Variants in MARCHF8 observed in about 807,000 individuals in gnomAD.
MARCHF8 encodes the protein membrane associated ring-CH-type finger 8, also known as E3 ubiquitin-protein ligase MARCHF8.
In MARCHF8, 40 loss-of-function variants were observed where a neutral mutation model predicts 51.6. The ratio of observed to expected loss-of-function variants is 0.77; its 90% CI spans 0.60 to 1.01. MARCHF8 has a LOEUF of 1.01. MARCHF8 is among the 50% of genes least tolerant of loss of function. MARCHF8 has a pLI of 0.00. For synonymous variants in MARCHF8, 263 were observed against 280.3 expected (o/e 0.94, Z 0.62); for missense variants, 685 against 708.6 (o/e 0.97, Z 0.38).
At chr10:45,471,784 TAA>T (rs1363305767) in intron 3 of MARCHF8, among the ~76,000 whole-genome samples, 2 of 152,200 alleles carry the variant, frequency 1.3e-5, no homozygotes, top group East Asian at 3.9e-4. Context: ...TAGGATCAAA[TAA>T]AGTCAAGGGA....
At chr10:45,528,056 A>G (rs1016156575) in intron 2 of MARCHF8, among the ~76,000 whole-genome samples, 1 of 152,234 alleles carries the variant, frequency 6.6e-6, no homozygotes, top group Non-Finnish European at 1.5e-5. Context: ...GCATTCTTTC[A>G]TGATAAAAAC....
chr10:45,577,117 C>A (rs922177718), intron 1 of MARCHF8, among the ~76,000 whole-genome samples: 2 of 151,916 alleles, frequency 1.3e-5, no homozygotes, highest in Non-Finnish European at 2.9e-5. Context: ...ATAAGCCAGG[C>A]ACAGAAAGAG....
intron 3 of MARCHF8, among the ~76,000 whole-genome samples, chr10:45,479,605 T>C (rs192252585): frequency 5.9e-5 from 9 of 152,310 alleles, no homozygotes; most frequent in African/African-American, 1.7e-4. Flanking sequence ...ATAAGTCTCA[T>C]GAAATCTCAT....
intron 1 of MARCHF8, among the ~76,000 whole-genome samples, chr10:45,569,401 C>T (rs1349141538): frequency 6.6e-6 from 1 of 152,140 alleles, no homozygotes; most frequent in Non-Finnish European, 1.5e-5. Context: ...ATGTACCATA[C>T]AGACTGATCT....
At chr10:45,516,749 A>T (rs1423960533) in intron 2 of MARCHF8, among the ~76,000 whole-genome samples, 1 of 152,092 alleles carries the variant, frequency 6.6e-6, no homozygotes, top group Admixed American at 6.5e-5. Flanking sequence ...GGGTAACAGA[A>T]CAAGACTTTG....
At chr10:45,515,160 C>G (rs139920204) in intron 2 of MARCHF8, among the ~76,000 whole-genome samples, 1 of 152,332 alleles carries the variant, frequency 6.6e-6, no homozygotes, top group Non-Finnish European at 1.5e-5. Flanking sequence ...CCAAATGAGT[C>G]ATATCTAAAG....
At chr10:45,478,101 C>T (rs1564473720) in intron 3 of MARCHF8, among the ~76,000 whole-genome samples, 1 of 152,174 alleles carries the variant, frequency 6.6e-6, no homozygotes, top group Non-Finnish European at 1.5e-5. Context: ...CCAACAACTA[C>T]AGAATACACA....
In MARCHF8 at chr10:45,461,360, G is replaced by A; in HGVS notation, c.1140C>T (p.His380=). Residue 380 remains histidine (H), a synonymous_variant, in exon 6 of 8, where the codon CAC becomes CAT. Transcript: ENST00000453424. ...GCACGAAGTGGAGGCTTCCTGTGCAGTGGCAGGGGGTGATCAGGGGGCTCT... is the reference window on the plus strand; with the variant it reads ...GCACGAAGTGGAGGCTTCCTGTGCAATGGCAGGGGGTGATCAGGGGGCTCT... The part of the protein sequence containing the change: ...DDESPLITPC[H]CTGSLHFVHQ... 6.2e-7 allele frequency: 1 copy of A among 1,601,326 alleles called. No individual in the cohort carries two copies. The highest frequency in any genetic ancestry group is 1.3e-5 in the African/African-American group (1 of 74,146).
chr10:45,507,835 A>G (rs1298846516), intron 2 of MARCHF8, among the ~76,000 whole-genome samples: 1 of 151,820 alleles, frequency 6.6e-6, no homozygotes, highest in Admixed American at 6.6e-5. Context: ...AAGATTTTAT[A>G]AAAGTGCTTG....
rs140743260 is a variant in MARCHF8, at chr10:45,557,340, G to A, written c.-78-24051C>T. Among the ~76,000 whole-genome samples the A allele has an allele frequency of 3.8e-3, 572 of 151,856 alleles. 11 individuals are homozygous for A. In the East Asian group the frequency reaches 0.052, roughly 14 times the overall value. On this transcript the variant is annotated intron_variant, in intron 1 of 6. Transcript: ENST00000319836. ...GACGGGGTTTTGCCACGTTGGCCAGGCTGGTCTTGAACTCCTGACCTCAGG... is the reference window on the plus strand; with the variant it reads ...GACGGGGTTTTGCCACGTTGGCCAGACTGGTCTTGAACTCCTGACCTCAGG...
At chr10:45,494,761 GA>G (rs1171629642) in intron 2 of MARCHF8, among the ~76,000 whole-genome samples, 1 of 152,280 alleles carries the variant, frequency 6.6e-6, no homozygotes, top group East Asian at 1.9e-4. Context: ...TTCACTTTGG[GA>G]CTATGAAGAA....
At chr10:45,512,589 C>T (rs1331692752) in intron 2 of MARCHF8, among the ~76,000 whole-genome samples, 5 of 145,842 alleles carry the variant, frequency 3.4e-5, no homozygotes, top group African/African-American at 7.7e-5. Flanking sequence ...CCGCCCAGTC[C>T]GGGAGGGAGG....
intron 1 of MARCHF8, among the ~76,000 whole-genome samples, chr10:45,589,834 T>C (rs1196315703): frequency 6.6e-6 from 1 of 152,352 alleles, no homozygotes; most frequent in Non-Finnish European, 1.5e-5. Flanking sequence ...TTTGAGTTGT[T>C]TCAACTTTTT....
chr10:45,495,120 CA>C (rs1200189431), intron 2 of MARCHF8, among the ~76,000 whole-genome samples: 224 of 123,774 alleles, frequency 1.8e-3, no homozygotes, highest in Middle Eastern at 4.0e-3. Flanking sequence ...AACTCCATCT[CA>C]AAAAAAAAAA....
chr10:45,554,229 AAT>A (rs1283350400), intron 1 of MARCHF8, among the ~76,000 whole-genome samples: 46 of 152,254 alleles, frequency 3.0e-4, no homozygotes, highest in African/African-American at 1.1e-3. Flanking sequence ...TAATGGTATC[AAT>A]ATGATTATGA....
chr10:45,586,119 A>G (rs1268129532), intron 1 of MARCHF8, among the ~76,000 whole-genome samples: 2 of 152,178 alleles, frequency 1.3e-5, no homozygotes, highest in Non-Finnish European at 2.9e-5. Flanking sequence ...AGTTCTGACA[A>G]AAGTGTATAA....
Position 45,463,221 on chromosome 10 carries a change from C to T in MARCHF8, c.1018G>A (p.Asp340Asn). ...LCSTEKDSDLDCPSPFSEKLP... is the reference protein window; with the variant it reads ...LCSTEKDSDLNCPSPFSEKLP... ...TTTTCAGAGAAGGGAGAAGGACAATCCAGGTCGCTGTCCTTTTCCGTGGAG... is the reference window on the plus strand; with the variant it reads ...TTTTCAGAGAAGGGAGAAGGACAATTCAGGTCGCTGTCCTTTTCCGTGGAG... The change falls in exon 5 of 8, where the codon GAT becomes AAT. Residue 340 changes from aspartate (D) to asparagine (N), a missense_variant. By Grantham distance (23) the Asp-to-Asn change is conservative. Coordinates refer to ENST00000453424, the MANE Select transcript of MARCHF8 (RefSeq NM_001282866.2). 1 of 1,550,792 alleles carries T rather than the reference C, an allele frequency of 6.4e-7. No individual in the cohort carries two copies. The highest frequency in any genetic ancestry group is 8.7e-7 in the Non-Finnish European group (1 of 1,147,026).
chr10:45,459,349 T>C (rs1433115019), intron 6 of MARCHF8, 82 bp from the exon 7 acceptor site: 2 of 1,459,636 alleles, frequency 1.4e-6, no homozygotes, highest in African/African-American at 2.9e-5. Flanking sequence ...GTAGGTAAGA[T>C]TGGCTTTCCA....
At chr10:45,497,480 A>C (rs1484711758) in intron 2 of MARCHF8, among the ~76,000 whole-genome samples, 1 of 152,172 alleles carries the variant, frequency 6.6e-6, no homozygotes, top group Non-Finnish European at 1.5e-5. Flanking sequence ...CAGAATATAC[A>C]TTCTTCTCAA....
Sources: gnomAD v4.1 joint callset for allele counts (sites outside exome capture counted in the v4.1 genomes callset) on GRCh38, gnomAD v4.1.1 for gene constraint, MANE v1.5 for transcripts, NCBI Gene and HGNC (gene_info 2026-07-23, HGNC 2026-07-21) for gene names.